GLRX3: variants seen among roughly 807,000 people sequenced by gnomAD.
The protein encoded by GLRX3 is glutaredoxin 3.
In GLRX3, 22 loss-of-function variants were observed where a neutral mutation model predicts 49.5. That is an observed-to-expected ratio of 0.44 (90% CI 0.32 to 0.63). The LOEUF (loss-of-function observed/expected upper bound fraction) is 0.63, where lower values mean the gene tolerates loss of function less well. Ranked by LOEUF, GLRX3 falls within the 30% of genes least tolerant of loss-of-function variation. The probability of loss-of-function intolerance (pLI) is 0.05; values close to 1 mark genes in which losing one functional copy is unlikely to be tolerated. For synonymous variants in GLRX3, 133 were observed against 140.0 expected (o/e 0.95, Z 0.35); for missense variants, 385 against 396.3 (o/e 0.97, Z 0.24).
chr10:130,175,196 C>T (rs191285125), intron 10 of GLRX3, 107 bp downstream of exon 10: 7 of 707,648 alleles, frequency 9.9e-6, no homozygotes, highest in African/African-American at 7.0e-5. Flanking sequence ...ACTCCTGTTT[C>T]CAGCCTGACT....
chr10:130,169,098 T>C (rs946810450), intron 6 of GLRX3, among the ~76,000 whole-genome samples: 13 of 152,286 alleles, frequency 8.5e-5, no homozygotes, highest in Non-Finnish European at 1.2e-4. Context: ...GATCTAGTTC[T>C]GGAAGTTTTG....
At chr10:130,141,079 G>A (rs954871183) in intron 1 of GLRX3, among the ~76,000 whole-genome samples, 3 of 152,162 alleles carry the variant, frequency 2.0e-5, no homozygotes, top group Non-Finnish European at 4.4e-5. Context: ...GCTCATGACT[G>A]TAATCCCAGC....
intron 2 of GLRX3, among the ~76,000 whole-genome samples, chr10:130,149,429 A>AAGACTCC (rs1391108121): frequency 4.0e-5 from 6 of 149,478 alleles, no homozygotes; most frequent in Admixed American, 4.0e-4. Flanking sequence ...GTGACAGAGC[A>AAGACTCC]AGACTCCGTC....
chr10:130,142,497 G>A (rs1256970818), intron 1 of GLRX3, among the ~76,000 whole-genome samples: 1 of 151,960 alleles, frequency 6.6e-6, no homozygotes, highest in African/African-American at 2.4e-5. Context: ...TTGTGTCTAC[G>A]GCCCTTCCCT....
At chr10:130,177,210 T>C (rs899878007) in intron 10 of GLRX3, among the ~76,000 whole-genome samples, 2 of 152,208 alleles carry the variant, frequency 1.3e-5, no homozygotes, top group Non-Finnish European at 2.9e-5. Flanking sequence ...GTTTGTTTTG[T>C]TGAATGAGGG....
chr10:130,152,150 C>T (rs1862388754), intron 2 of GLRX3, among the ~76,000 whole-genome samples: 2 of 152,066 alleles, frequency 1.3e-5, no homozygotes, highest in African/African-American at 4.8e-5. Context: ...TCCTGAGTAG[C>T]TGGGATTACA....
intron 8 of GLRX3, among the ~76,000 whole-genome samples, chr10:130,172,018 G>C (rs1862820295): frequency 3.3e-5 from 5 of 152,148 alleles, no homozygotes; most frequent in Admixed American, 3.3e-4. Context: ...ATACTTTTCA[G>C]TTGTAATGTC....
At chr10:130,148,682 G>A (rs1337652508) in intron 2 of GLRX3, among the ~76,000 whole-genome samples, 3 of 151,944 alleles carry the variant, frequency 2.0e-5, no homozygotes, top group Non-Finnish European at 4.4e-5. Flanking sequence ...GTTAGTTTGT[G>A]CTCTTTGGAA....
chr10:130,137,448 GT>G (rs1862082217), intron 1 of GLRX3, among the ~76,000 whole-genome samples: 1 of 152,126 alleles, frequency 6.6e-6, no homozygotes, highest in Non-Finnish European at 1.5e-5. Flanking sequence ...ATTATTAGCG[GT>G]TGTTATGGGA....
rs1009247464 is a variant in GLRX3 at position 130,167,622 on chromosome 10, G to C, written c.713+642G>C. On this transcript the variant is annotated intron_variant, in intron 6 of 10. Transcript: ENST00000331244. The stretch of plus-strand genomic sequence containing the variant: ...TAAAATTAATATAGAACTTTAAAAA[G>C]GAATTTATTATATCAGCAATCAGCC... 2.6e-5 allele frequency among the ~76,000 whole-genome samples: 4 copies of C among 152,116 alleles called. No homozygotes were observed. In the South Asian group the frequency reaches 6.2e-4, roughly 24 times the overall value.
intron 8 of GLRX3, 43 bp from the exon 9 acceptor site, chr10:130,174,824 A>G: frequency 1.6e-6 from 2 of 1,273,752 alleles, no homozygotes; most frequent in African/African-American, 1.5e-5. Context: ...TTACACTTTG[A>G]TTTAACTGTA....
Position 130,171,637 on chromosome 10 carries a change from G to A in GLRX3, c.824+1G>A. The A allele has an allele frequency of 1.4e-6, 2 of 1,453,386 alleles. No homozygotes were observed. The highest frequency in any genetic ancestry group is 1.1e-5 in the South Asian group (1 of 87,778). The allele number at this position is 1,453,386 out of a possible 1,614,324, so 90.0% of individuals were successfully genotyped here. A position where few individuals can be genotyped will look rare whatever the true frequency, so the allele number is the denominator to read the frequency against. On this transcript the variant is annotated splice_donor_variant, in intron 8 of 10. Coordinates refer to ENST00000331244, the MANE Select transcript of GLRX3 (RefSeq NM_006541.5). LOFTEE classifies it high-confidence loss of function. ...TTCTGGAAATACTAAATAGTACTGG[G>A]TATGTAAATGTTGTTTTCAAATGGT...
intron 8 of GLRX3, among the ~76,000 whole-genome samples, chr10:130,173,926 G>A (rs1862864031): frequency 6.6e-6 from 1 of 152,072 alleles, no homozygotes; most frequent in Admixed American, 6.5e-5. Context: ...TCAGTTTTAT[G>A]GAAAGTCCAG....
At chr10:130,137,631 A>C (rs1004878232) in intron 1 of GLRX3, among the ~76,000 whole-genome samples, 6 of 152,248 alleles carry the variant, frequency 3.9e-5, no homozygotes, top group African/African-American at 1.4e-4. Context: ...TATGTAAAAT[A>C]CAAATAATAC....
intron 1 of GLRX3, among the ~76,000 whole-genome samples, chr10:130,143,979 G>A (rs1462014918): frequency 1.3e-5 from 2 of 152,122 alleles, no homozygotes; most frequent in African/African-American, 4.8e-5. Context: ...GATTACAGGT[G>A]TGAGCCACTG....
chr10:130,157,517 C>A (rs1438656335), intron 2 of GLRX3, among the ~76,000 whole-genome samples: 1 of 40,026 alleles, frequency 2.5e-5, no homozygotes, highest in African/African-American at 7.4e-5. Flanking sequence ...CCCCCCCCCC[C>A]GCCCATATTG....
chr10:130,144,500 T>A (rs1862235325), intron 1 of GLRX3, among the ~76,000 whole-genome samples: 1 of 150,682 alleles, frequency 6.6e-6, no homozygotes, highest in Non-Finnish European at 1.5e-5. Flanking sequence ...GATGTTCCCC[T>A]CCCTGTGTCC....
chr10:130,143,487 A>T (rs1003899530), intron 1 of GLRX3, among the ~76,000 whole-genome samples: 7 of 152,178 alleles, frequency 4.6e-5, no homozygotes, highest in Admixed American at 4.6e-4. Flanking sequence ...ACTAAAATAG[A>T]TACTGAGTTA....
At chr10:130,152,487 G>C (rs940975672) in intron 2 of GLRX3, among the ~76,000 whole-genome samples, 1 of 152,210 alleles carries the variant, frequency 6.6e-6, no homozygotes, top group South Asian at 2.1e-4. Flanking sequence ...AGGAGCTCTT[G>C]TAAGGCAGGC....
Sources: allele counts gnomAD v4.1 joint callset (sites outside exome capture counted in the v4.1 genomes callset), GRCh38; gene constraint gnomAD v4.1.1; transcripts MANE v1.5; gene names NCBI Gene and HGNC (gene_info 2026-07-23, HGNC 2026-07-21).